Variants in CNTNAP4 observed in about 807,000 individuals in gnomAD.
CNTNAP4 encodes the protein contactin-associated protein-like 4.
A neutral mutation model predicts 148.4 loss-of-function variants in CNTNAP4; 98 were observed. The ratio of observed to expected loss-of-function variants is 0.66; its 90% confidence interval spans 0.56 to 0.78. The LOEUF is 0.78. CNTNAP4 is among the 30% of genes least tolerant of loss of function. The pLI is 0.00. For missense variants in CNTNAP4, 1,935 were observed against 1,565.6 expected (o/e 1.24, Z -3.98); for synonymous variants, 730 against 565.1 (o/e 1.29, Z -4.14).
chr16:76,396,233 A>G (rs2078199433), intron 3 of CNTNAP4, among the ~76,000 whole-genome samples: 1 of 152,202 alleles, frequency 6.6e-6, no homozygotes, highest in South Asian at 2.1e-4. Flanking sequence ...AATTGTGCAT[A>G]TTCATTTGCC....
At chr16:76,410,271 A>G (rs1276352985) in intron 3 of CNTNAP4, among the ~76,000 whole-genome samples, 3 of 151,776 alleles carry the variant, frequency 2.0e-5, no homozygotes, top group African/African-American at 7.3e-5. Flanking sequence ...GATTGAGAAG[A>G]TTTTTTGTGA....
chr16:76,472,385 C>T (rs1232028553), intron 10 of CNTNAP4, among the ~76,000 whole-genome samples: 3 of 151,940 alleles, frequency 2.0e-5, no homozygotes, highest in African/African-American at 4.8e-5. Flanking sequence ...CTTTTTGAAG[C>T]AGATCAAATA....
rs749850912 is a variant in CNTNAP4 at position 76,467,429 on chromosome 16, A to G, written c.1561A>G (p.Ile521Val). The G allele has an allele frequency of 1.7e-5, 28 of 1,613,788 alleles. No homozygotes were observed. The Admixed American group carries it at 4.5e-4, about 26-fold the overall frequency. The change falls in exon 10 of 24, where the codon ATC (isoleucine) becomes GTC (valine). Residue 521 changes from isoleucine to valine, a missense_variant. Transcript: ENST00000611870. ...GFQGCMRLISISGKVVDLISV... is the reference protein window; with the variant it reads ...GFQGCMRLISVSGKVVDLISV... ...TCAGGGATGTATGAGGCTCATTTCTATCAGCGGCAAAGTGGTAGATCTGAT... is the reference window on the plus strand; with the variant it reads ...TCAGGGATGTATGAGGCTCATTTCTGTCAGCGGCAAAGTGGTAGATCTGAT...
intron 17 of CNTNAP4, among the ~76,000 whole-genome samples, chr16:76,524,172 A>G (rs1035078271): frequency 2.6e-4 from 39 of 152,204 alleles, no homozygotes; most frequent in African/African-American, 8.7e-4. Flanking sequence ...TATTTAATGA[A>G]TAGCTTCTAT....
chr16:76,378,528 G>C (rs578122481), intron 3 of CNTNAP4, among the ~76,000 whole-genome samples: 14 of 152,296 alleles, frequency 9.2e-5, no homozygotes, highest in Non-Finnish European at 1.9e-4. Flanking sequence ...CTCCAGGTCT[G>C]TCCATATCAC....
intron 17 of CNTNAP4, among the ~76,000 whole-genome samples, chr16:76,534,131 C>T (rs1454348760): frequency 6.6e-6 from 1 of 152,142 alleles, no homozygotes; most frequent in Non-Finnish European, 1.5e-5. Context: ...CTCTGTGGGG[C>T]AAAAGGGGTC....
At chr16:76,375,076 C>G (rs1404666473) in intron 3 of CNTNAP4, among the ~76,000 whole-genome samples, 3 of 151,984 alleles carry the variant, frequency 2.0e-5, no homozygotes, top group African/African-American at 2.4e-5. Flanking sequence ...GCCAGCAGAA[C>G]TTTTTTTAAG....
At chr16:76,282,386 G>A (rs1029764743) in intron 1 of CNTNAP4, among the ~76,000 whole-genome samples, 1 of 151,848 alleles carries the variant, frequency 6.6e-6, no homozygotes, top group Admixed American at 6.6e-5. Flanking sequence ...AGTAATATAA[G>A]TTCAATTAAC....
intron 7 of CNTNAP4, among the ~76,000 whole-genome samples, chr16:76,451,613 G>GTGTGTT (rs1345223038): frequency 1.3e-5 from 2 of 151,408 alleles, no homozygotes; most frequent in Admixed American, 1.3e-4. Flanking sequence ...GTGTGTGTGT[G>GTGTGTT]TGTGTGTGTG....
At chr16:76,341,557 G>T (rs951509734) in intron 2 of CNTNAP4, among the ~76,000 whole-genome samples, 1 of 152,156 alleles carries the variant, frequency 6.6e-6, no homozygotes, top group Non-Finnish European at 1.5e-5. Flanking sequence ...CGAATGAATG[G>T]AAGGCTAGAA....
intron 21 of CNTNAP4, among the ~76,000 whole-genome samples, chr16:76,552,369 C>G (rs2084989969): frequency 6.6e-6 from 1 of 152,060 alleles, no homozygotes; most frequent in South Asian, 2.1e-4. Flanking sequence ...TTTTTTATCA[C>G]ACTGGGTGGA....
At chr16:76,312,888 T>G (rs1961290799) in intron 1 of CNTNAP4, among the ~76,000 whole-genome samples, 1 of 152,114 alleles carries the variant, frequency 6.6e-6, no homozygotes, top group South Asian at 2.1e-4. Flanking sequence ...TAGCACAGAG[T>G]GCTCTCTAAA....
intron 21 of CNTNAP4, among the ~76,000 whole-genome samples, chr16:76,552,168 A>T (rs567325639): frequency 6.6e-6 from 1 of 152,316 alleles, no homozygotes; most frequent in South Asian, 2.1e-4. Context: ...ACTTCCAAAC[A>T]CTTATAAAAC....
At chr16:76,397,397 G>T (rs902037536) in intron 3 of CNTNAP4, among the ~76,000 whole-genome samples, 1 of 151,990 alleles carries the variant, frequency 6.6e-6, no homozygotes, top group African/African-American at 2.4e-5. Context: ...TTAAATTTCA[G>T]TGAGAATGGG....
chr16:76,478,311 C>G (rs12935315), intron 11 of CNTNAP4, among the ~76,000 whole-genome samples: 18,841 of 152,140 alleles, frequency 0.12, 1,274 homozygotes, highest in South Asian at 0.2. Context: ...ATAAACTAGT[C>G]ATTTTTACGT....
At chr16:76,365,624 C>T (rs563948041) in intron 3 of CNTNAP4, among the ~76,000 whole-genome samples, 133 of 151,836 alleles carry the variant, frequency 8.8e-4, no homozygotes, top group African/African-American at 3.0e-3. Flanking sequence ...TAGTGGCGGA[C>T]ACCTGTAATC....
intron 11 of CNTNAP4, among the ~76,000 whole-genome samples, chr16:76,477,500 C>G (rs559459502): frequency 6.6e-6 from 1 of 152,180 alleles, no homozygotes; most frequent in Non-Finnish European, 1.5e-5. Flanking sequence ...GGGCTCCCAG[C>G]TCTGGGGGCC....
intron 17 of CNTNAP4, among the ~76,000 whole-genome samples, chr16:76,535,223 A>C (rs2084163990): frequency 6.6e-6 from 1 of 152,202 alleles, no homozygotes; most frequent in Non-Finnish European, 1.5e-5. Flanking sequence ...AAATTCCCAG[A>C]AAGTAGTTTC....
At chr16:76,337,284 A>C (rs905497378) in intron 2 of CNTNAP4, among the ~76,000 whole-genome samples, 1 of 152,202 alleles carries the variant, frequency 6.6e-6, no homozygotes, top group Non-Finnish European at 1.5e-5. Flanking sequence ...ACCAGCCCCC[A>C]GTATTTCAGT....
Sources: gnomAD v4.1 joint callset for allele counts (sites outside exome capture counted in the v4.1 genomes callset) on GRCh38, gnomAD v4.1.1 for gene constraint, MANE v1.5 for transcripts, NCBI Gene and HGNC (gene_info 2026-07-23, HGNC 2026-07-21) for gene names.